Variants in NRXN1 observed in about 807,000 individuals in gnomAD.
The protein encoded by NRXN1 is neurexin-1.
Under a neutral mutation model 150.9 loss-of-function variants are expected in NRXN1, and 39 were observed. The observed-to-expected ratio is 0.26, with a 90% CI of 0.20 to 0.34. The LOEUF is 0.34. NRXN1 is among the 10% of genes least tolerant of loss of function. The pLI, the probability that NRXN1 is intolerant of heterozygous loss-of-function variation, is 1.00. For missense variants in NRXN1, 1,815 were observed against 1,949.9 expected, an observed-to-expected ratio of 0.93 and a Z score of 1.30; for synonymous variants, 924 against 757.0, an observed-to-expected ratio of 1.22 and a Z score of -3.62.
chr2:50,823,675 A>G (rs1670046154), intron 5 of NRXN1, among the ~76,000 whole-genome samples: 1 of 152,176 alleles, frequency 6.6e-6, no homozygotes, highest in Non-Finnish European at 1.5e-5. Flanking sequence ...ATGCTTCTAG[A>G]AGACAAATAA....
intron 17 of NRXN1, among the ~76,000 whole-genome samples, chr2:50,265,992 ATTATTAT>A (rs1436746648): frequency 2.3e-5 from 2 of 88,774 alleles, no homozygotes; most frequent in Admixed American, 1.1e-4. Context: ...TATTATTATT[ATTATTAT>A]TTATTTTTTT....
intron 5 of NRXN1, among the ~76,000 whole-genome samples, chr2:50,792,092 A>G: frequency 6.6e-6 from 1 of 152,128 alleles, no homozygotes; most frequent in Non-Finnish European, 1.5e-5. Flanking sequence ...AATGTAGTAT[A>G]TCGGAAGAAC....
intron 5 of NRXN1, among the ~76,000 whole-genome samples, chr2:50,772,099 G>C (rs1180101180): frequency 6.6e-6 from 1 of 151,798 alleles, no homozygotes; most frequent in African/African-American, 2.4e-5. Flanking sequence ...CAAGTCCTGG[G>C]GTTATGGGAT....
intron 2 of NRXN1, among the ~76,000 whole-genome samples, chr2:50,995,268 C>T (rs1193669037): frequency 1.3e-5 from 2 of 151,722 alleles, no homozygotes; most frequent in South Asian, 2.1e-4. Context: ...TGGGACAACC[C>T]GAGGTCAAAC....
intron 5 of NRXN1, among the ~76,000 whole-genome samples, chr2:50,908,936 G>T (rs1363760683): frequency 6.6e-6 from 1 of 151,884 alleles, no homozygotes; most frequent in East Asian, 1.9e-4. Flanking sequence ...CATGCTCTTC[G>T]ACTTCCCAGC....
chr2:50,714,018 A>T (rs989468637), intron 5 of NRXN1, among the ~76,000 whole-genome samples: 1 of 152,196 alleles, frequency 6.6e-6, no homozygotes, highest in Non-Finnish European at 1.5e-5. Flanking sequence ...CTATATGACC[A>T]ATATCTAACA....
chr2:50,126,449 G>A lies in NRXN1; in HGVS notation c.3547-34955C>T, dbSNP rs552011653. On this transcript the variant is annotated intron_variant, in intron 18 of 22. Transcript: ENST00000401669. ...GATTTTTGGTTGAGAAAAATAATTG[G>A]TACTGCTAATATAACTGATATAGTC... 1.3e-5 allele frequency among the ~76,000 whole-genome samples: 2 copies of A among 151,734 alleles called. 1 individual carries two copies. Among genetic ancestry groups the A allele is most frequent in the South Asian group, 4.2e-4 (2 of 4,800 alleles).
chr2:50,285,173 T>C (rs531513750), intron 17 of NRXN1, among the ~76,000 whole-genome samples: 13 of 152,306 alleles, frequency 8.5e-5, no homozygotes, highest in Non-Finnish European at 1.6e-4. Flanking sequence ...AGAACAAACA[T>C]GGTGTGCCCA....
In NRXN1 at chr2:50,129,480, T is replaced by C. The variant is rs78995655; in HGVS notation, c.3547-37986A>G. Among the ~76,000 whole-genome samples, 1,474 of 152,274 alleles carry C rather than the reference T, an allele frequency of 9.7e-3. 27 individuals are homozygous for C. Among genetic ancestry groups the C allele is most frequent in the African/African-American group, 0.033 (1,388 of 41,558 alleles). Reference sequence around the variant, plus strand: ...TAAATGTGAGTTTATATAGGATTACTTTTTTTAATAAAATAATTATCAGAT... The same window carrying C: ...TAAATGTGAGTTTATATAGGATTACCTTTTTTAATAAAATAATTATCAGAT... On this transcript the variant is annotated intron_variant, in intron 18 of 22. Coordinates refer to ENST00000401669, the MANE Select transcript of NRXN1 (RefSeq NM_001330078.2).
intron 21 of NRXN1, among the ~76,000 whole-genome samples, chr2:49,953,280 C>T (rs891883316): frequency 6.6e-6 from 1 of 151,960 alleles, no homozygotes; most frequent in Admixed American, 6.6e-5. Flanking sequence ...GACTGCATGC[C>T]CCCAAATAAG....
intron 2 of NRXN1, among the ~76,000 whole-genome samples, chr2:50,946,301 A>G (rs1201042973): frequency 1.3e-5 from 2 of 152,176 alleles, no homozygotes; most frequent in African/African-American, 4.8e-5. Context: ...TTCTTGACAA[A>G]TAAGTGTGGA....
chr2:50,733,656 G>C (rs1488156580), intron 5 of NRXN1, among the ~76,000 whole-genome samples: 1 of 152,104 alleles, frequency 6.6e-6, no homozygotes, highest in Non-Finnish European at 1.5e-5. Context: ...ACACCAATGT[G>C]GGTGGATAAT....
chr2:50,935,254 A>C (rs929580928), intron 2 of NRXN1, among the ~76,000 whole-genome samples: 2 of 152,180 alleles, frequency 1.3e-5, no homozygotes, highest in Admixed American at 1.3e-4. Context: ...AAACCAAATG[A>C]GCAAATAAAA....
At chr2:50,733,739 C>T (rs1023280138) in intron 5 of NRXN1, among the ~76,000 whole-genome samples, 49 of 151,846 alleles carry the variant, frequency 3.2e-4, no homozygotes, top group Non-Finnish European at 1.5e-4. Flanking sequence ...TAATGGTCGA[C>T]CATTGAAAAT....
intron 17 of NRXN1, among the ~76,000 whole-genome samples, chr2:50,327,395 C>T (rs1041514948): frequency 2.0e-5 from 3 of 152,092 alleles, no homozygotes; most frequent in East Asian, 3.9e-4. Context: ...GTGACTAAGA[C>T]GTAGCTTGAG....
intron 18 of NRXN1, among the ~76,000 whole-genome samples, chr2:50,121,903 A>G (rs368098036): frequency 6.8e-4 from 103 of 152,244 alleles, no homozygotes; most frequent in African/African-American, 2.3e-3. Context: ...GTGTAATATG[A>G]AACAGCATAC....
intron 5 of NRXN1, among the ~76,000 whole-genome samples, chr2:50,659,411 A>G (rs893008632): frequency 6.6e-6 from 1 of 152,048 alleles, no homozygotes; most frequent in African/African-American, 2.4e-5. Flanking sequence ...CTTCAATAAA[A>G]TAGTGAGAAA....
intron 13 of NRXN1, among the ~76,000 whole-genome samples, chr2:50,499,331 C>G (rs946873143): frequency 3.3e-5 from 5 of 152,130 alleles, no homozygotes; most frequent in Non-Finnish European, 5.9e-5. Context: ...TTGGTTTGTT[C>G]TGATTCCCTT....
At chr2:50,373,430 T>G (rs1317225259) in intron 17 of NRXN1, among the ~76,000 whole-genome samples, 2 of 149,840 alleles carry the variant, frequency 1.3e-5, no homozygotes, top group Admixed American at 6.7e-5. Flanking sequence ...GATCTCTAAT[T>G]GAACTCTTCT....
Sources: allele counts gnomAD v4.1 joint callset (sites outside exome capture counted in the v4.1 genomes callset), GRCh38; gene constraint gnomAD v4.1.1; transcripts MANE v1.5; gene names NCBI Gene and HGNC (gene_info 2026-07-23, HGNC 2026-07-21).